Variants in SULF2 observed in about 807,000 individuals in gnomAD.
SULF2 encodes the protein sulfatase 2.
A neutral mutation model predicts 107.7 loss-of-function variants in SULF2; 52 were observed. The ratio of observed to expected loss-of-function variants is 0.48; its 90% CI spans 0.39 to 0.61. The LOEUF (loss-of-function observed/expected upper bound fraction) is 0.61. Ranked by LOEUF, SULF2 falls within the 20% of genes least tolerant of loss-of-function variation. SULF2 has a pLI of 0.00. For synonymous variants in SULF2, 460 were observed against 464.3 expected (o/e 0.99, Z 0.12); for missense variants, 993 against 1,177.3 (o/e 0.84, Z 2.29).
chr20:47,723,933 C>T (rs780050283), intron 3 of SULF2, among the ~76,000 whole-genome samples: 30 of 152,172 alleles, frequency 2.0e-4, no homozygotes, highest in Non-Finnish European at 3.2e-4. Flanking sequence ...TCCACGAAAC[C>T]GGTTGCTTGT....
At chr20:47,760,418 C>A (rs986325214) in intron 1 of SULF2, among the ~76,000 whole-genome samples, 2 of 152,046 alleles carry the variant, frequency 1.3e-5, no homozygotes, top group African/African-American at 4.8e-5. Flanking sequence ...CTGCCTGGGG[C>A]CCCTCCTGGC....
chr20:47,700,650 T>C (rs1318935710), intron 4 of SULF2, among the ~76,000 whole-genome samples: 1 of 149,284 alleles, frequency 6.7e-6, no homozygotes, highest in Non-Finnish European at 1.5e-5. Context: ...TTTTTTTTTT[T>C]TTTTTTCTTT....
At chr20:47,687,359 AT>A (rs1321465723) in intron 5 of SULF2, among the ~76,000 whole-genome samples, 3 of 152,190 alleles carry the variant, frequency 2.0e-5, no homozygotes, top group Admixed American at 2.0e-4. Context: ...TTCAACAAAC[AT>A]CTGAAAACTT....
chr20:47,733,680 G>A (rs1161503713), intron 3 of SULF2, among the ~76,000 whole-genome samples: 1 of 152,178 alleles, frequency 6.6e-6, no homozygotes, highest in African/African-American at 2.4e-5. Context: ...GGCTGAGACA[G>A]GAGAATCGCT....
intron 3 of SULF2, among the ~76,000 whole-genome samples, chr20:47,723,296 G>A (rs2089345932): frequency 6.6e-6 from 1 of 152,054 alleles, no homozygotes; most frequent in Admixed American, 6.6e-5. Context: ...TTTCAAGGGG[G>A]CGAGAAGTCC....
At chr20:47,728,028 CT>C (rs2089491574) in intron 3 of SULF2, among the ~76,000 whole-genome samples, 1 of 152,174 alleles carries the variant, frequency 6.6e-6, no homozygotes. Context: ...CCCGTGGATA[CT>C]CGGATCCCCA....
intron 2 of SULF2, among the ~76,000 whole-genome samples, chr20:47,738,599 T>C (rs1254261385): frequency 6.6e-6 from 1 of 152,172 alleles, no homozygotes; most frequent in African/African-American, 2.4e-5. Flanking sequence ...ATGGGGGTTG[T>C]TTCCCCCATA....
chr20:47,692,839 T>C (rs538864769), intron 4 of SULF2, among the ~76,000 whole-genome samples: 2 of 152,306 alleles, frequency 1.3e-5, no homozygotes, highest in East Asian at 3.9e-4. Context: ...TTGTCCAAGA[T>C]ACATGGTTAA....
At chr20:47,682,314 A>G (rs750683523) in intron 7 of SULF2, among the ~76,000 whole-genome samples, 6 of 152,218 alleles carry the variant, frequency 3.9e-5, no homozygotes, top group Non-Finnish European at 8.8e-5. Context: ...CATGAGCAGA[A>G]GGCAGACCAA....
At chr20:47,711,580 G>A (rs1461858872) in intron 3 of SULF2, among the ~76,000 whole-genome samples, 1 of 152,150 alleles carries the variant, frequency 6.6e-6, no homozygotes, top group Non-Finnish European at 1.5e-5. Flanking sequence ...TTCGGTACAT[G>A]TTCATCCCAC....
At chr20:47,712,870 C>T (rs917577285) in intron 3 of SULF2, among the ~76,000 whole-genome samples, 4 of 152,012 alleles carry the variant, frequency 2.6e-5, no homozygotes, top group African/African-American at 9.7e-5. Flanking sequence ...CCTGTCTCTA[C>T]CAAAAAACCA....
At position 47,742,277 on chromosome 20, in the gene SULF2, C is replaced by T. The variant is rs531217478; in HGVS notation, c.176-5335G>A. On this transcript the variant is annotated intron_variant, in intron 2 of 20. Coordinates refer to ENST00000688720, the MANE Select transcript of SULF2 (RefSeq NM_001387048.1). ...CTCCGACGGGAGGGAAGGACCTGAA[C>T]GACACGGCCACACAGAAATGAAAAG... Among the ~76,000 whole-genome samples the T allele has an allele frequency of 1.1e-4, 16 of 152,352 alleles. No homozygotes were observed. The South Asian group carries it at 1.9e-3, about 18-fold the overall frequency.
intron 7 of SULF2, among the ~76,000 whole-genome samples, chr20:47,679,035 G>T (rs902087085): frequency 5.3e-5 from 7 of 131,366 alleles, no homozygotes; most frequent in South Asian, 2.3e-4. Context: ...AGCTCATGCC[G>T]TGAGCTGACA....
chr20:47,730,646 C>A (rs2089572106), intron 3 of SULF2, among the ~76,000 whole-genome samples: 1 of 152,126 alleles, frequency 6.6e-6, no homozygotes. Flanking sequence ...AGACGGGTTT[C>A]ACTATGTTGG....
intron 4 of SULF2, among the ~76,000 whole-genome samples, chr20:47,699,624 C>T (rs575052641): frequency 1.3e-5 from 2 of 152,196 alleles, no homozygotes; most frequent in Admixed American, 1.3e-4. Context: ...TGAAACTCAC[C>T]GTACAGTCCC....
At chr20:47,751,047 G>A (rs988357077) in intron 2 of SULF2, among the ~76,000 whole-genome samples, 4 of 152,142 alleles carry the variant, frequency 2.6e-5, no homozygotes, top group Admixed American at 1.3e-4. Flanking sequence ...GCTCTTTTAT[G>A]TACTATAGAT....
In SULF2 at chr20:47,672,279, G is replaced by A; in HGVS notation, c.1495C>T (p.Gln499Ter). Reference protein sequence around the residue: ...LSNLVPKYYGQGSEACTCDSG... With the variant: ...LSNLVPKYYG ...TCACAGGTGCAGGCCTCGCTGCCCT[G>A]CCCGTAGTACTTGGGCACGAGGTTG... Residue 499 changes from glutamine to a stop codon, truncating the protein, a stop_gained, in exon 11 of 21, where the codon CAG becomes TAG. Transcript: ENST00000688720. LOFTEE classifies it high-confidence loss of function. 1 of 1,613,526 alleles carries A rather than the reference G, an allele frequency of 6.2e-7. No homozygotes were observed. The highest frequency in any genetic ancestry group is 8.5e-7 in the Non-Finnish European group (1 of 1,179,972).
chr20:47,743,835 G>A (rs977991118), intron 2 of SULF2, among the ~76,000 whole-genome samples: 4 of 152,060 alleles, frequency 2.6e-5, no homozygotes, highest in Admixed American at 2.0e-4. Context: ...GTTGTTCCTC[G>A]AACACACCAA....
At chr20:47,673,726 G>A (rs1310298050) in intron 10 of SULF2, among the ~76,000 whole-genome samples, 1 of 152,236 alleles carries the variant, frequency 6.6e-6, no homozygotes, top group Non-Finnish European at 1.5e-5. Flanking sequence ...GCATGGCCCT[G>A]AATGAGGCCA....
Sources: allele counts gnomAD v4.1 joint callset (sites outside exome capture counted in the v4.1 genomes callset), GRCh38; gene constraint gnomAD v4.1.1; transcripts MANE v1.5; gene names NCBI Gene and HGNC (gene_info 2026-07-23, HGNC 2026-07-21).